The following CAGE1 variants were observed in gnomAD, a reference collection of about 807,000 sequenced individuals.
CAGE1 encodes cancer-associated gene 1 protein.
In CAGE1, 66 loss-of-function variants were observed where a neutral mutation model predicts 94.9. The observed-to-expected ratio is 0.70, with a 90% CI of 0.57 to 0.85. The LOEUF is 0.85. CAGE1 is among the 40% of genes least tolerant of loss of function. CAGE1 has a pLI of 0.00. For missense variants in CAGE1, 865 were observed against 950.4 expected, an observed-to-expected ratio of 0.91 and a Z score of 1.18; for synonymous variants, 319 against 321.0, an observed-to-expected ratio of 0.99 and a Z score of 0.07.
At chr6:7,334,242 T>C (rs1758871037) in intron 11 of CAGE1, among the ~76,000 whole-genome samples, 152 bp from the exon 12 acceptor site, 1 of 152,238 alleles carries the variant, frequency 6.6e-6, no homozygotes. Context: ...AACTTGGGAT[T>C]CTTTCCTAGC....
At chr6:7,333,722 G>A (rs1405658769) in intron 12 of CAGE1, among the ~76,000 whole-genome samples, 3 of 148,490 alleles carry the variant, frequency 2.0e-5, no homozygotes, top group African/African-American at 7.4e-5. Context: ...ATGCTGGAGT[G>A]CAGTGGCACG....
At chr6:7,380,768 T>G (rs184460093) in intron 3 of CAGE1, among the ~76,000 whole-genome samples, 68 of 152,352 alleles carry the variant, frequency 4.5e-4, no homozygotes, top group African/African-American at 1.6e-3. Flanking sequence ...TTTAAGTTGC[T>G]TCTAATTTTG....
At chr6:7,387,262 AT>A in intron 1 of CAGE1, 66 bp from the exon 2 acceptor site, 1 of 822,876 alleles carries the variant, frequency 1.2e-6, no homozygotes, top group Non-Finnish European at 1.9e-6. Context: ...CCCTCTTCTC[AT>A]TAAGAAAGTA....
chr6:7,330,110 G>A (rs780084824), intron 12 of CAGE1, among the ~76,000 whole-genome samples: 1 of 152,210 alleles, frequency 6.6e-6, no homozygotes, highest in Non-Finnish European at 1.5e-5. Flanking sequence ...CAATGAGGCA[G>A]GTTGCGGTGG....
At position 7,346,140 on chromosome 6, in the gene CAGE1, G is replaced by A. The variant is rs570800837; in HGVS notation, c.2369+8901C>T. Among the ~76,000 whole-genome samples, 17 of 152,272 alleles carry A rather than the reference G, an allele frequency of 1.1e-4. No individual in the cohort carries two copies. In the South Asian group the frequency reaches 2.9e-3, roughly 26 times the overall value. On this transcript the variant is annotated intron_variant, in intron 11 of 13. Coordinates refer to ENST00000502583, the MANE Select transcript of CAGE1 (RefSeq NM_001170692.2). ...AAAGGAATAAAAGAATGGCTACTCC[G>A]TAGGCAAAACAGCCTGATAATTTTT...
chr6:7,329,899 T>C lies in CAGE1; in HGVS notation c.2439-11A>G. The C allele has an allele frequency of 1.5e-6, 2 of 1,343,580 alleles. No individual in the cohort carries two copies. The highest frequency in any genetic ancestry group is 2.4e-5 in the East Asian group (1 of 41,998). 83.2% of individuals were successfully genotyped at this position (1,343,580 alleles called of 1,614,324 possible). ...TCTAAGCTTTTTGATCTGTAAGAAATAGAAAGAAAATAATGTAAAAAGGAG... is the reference window on the plus strand; with the variant it reads ...TCTAAGCTTTTTGATCTGTAAGAAACAGAAAGAAAATAATGTAAAAAGGAG... On this transcript the variant is annotated splice_polypyrimidine_tract_variant and intron_variant, in intron 12 of 13. Transcript: ENST00000502583.
At chr6:7,366,954 C>T (rs948157508) in intron 7 of CAGE1, among the ~76,000 whole-genome samples, 2 of 152,138 alleles carry the variant, frequency 1.3e-5, no homozygotes, top group South Asian at 4.2e-4. Context: ...CTTATTTATT[C>T]CTTCAGTATA....
At chr6:7,384,147 G>C (rs1467456915) in intron 3 of CAGE1, among the ~76,000 whole-genome samples, 2 of 151,892 alleles carry the variant, frequency 1.3e-5, no homozygotes, top group Admixed American at 1.3e-4. Context: ...GCACCATCTC[G>C]GCTCACTGCA....
intron 11 of CAGE1, among the ~76,000 whole-genome samples, chr6:7,336,169 G>A (rs1758947394): frequency 6.6e-6 from 1 of 152,180 alleles, no homozygotes; most frequent in African/African-American, 2.4e-5. Flanking sequence ...TTTGTCATCA[G>A]AGAAATAACA....
chr6:7,352,141 C>T (rs1309730751), intron 11 of CAGE1, among the ~76,000 whole-genome samples: 2 of 151,954 alleles, frequency 1.3e-5, no homozygotes, highest in African/African-American at 4.8e-5. Flanking sequence ...ACCCTAATGA[C>T]TCCTCCCAAA....
intron 9 of CAGE1, among the ~76,000 whole-genome samples, chr6:7,360,031 A>G (rs1760115771): frequency 6.6e-6 from 1 of 152,194 alleles, no homozygotes; most frequent in African/African-American, 2.4e-5. Context: ...GGCTGCCCAC[A>G]TCTTTGGCTT....
intron 6 of CAGE1, among the ~76,000 whole-genome samples, 183 bp downstream of exon 6, chr6:7,369,736 A>T (rs528399687): frequency 6.6e-6 from 1 of 152,326 alleles, no homozygotes; most frequent in South Asian, 2.1e-4. Flanking sequence ...TGTTCAAGAA[A>T]GATAAGCAGA....
chr6:7,339,511 C>T lies in CAGE1; in HGVS notation c.2370-5421G>A, dbSNP rs1390730994. On this transcript the variant is annotated intron_variant, in intron 11 of 13. Coordinates refer to ENST00000502583, the MANE Select transcript of CAGE1 (RefSeq NM_001170692.2). The surrounding 1 kb of genome is among the most constrained non-coding windows in gnomAD (Gnocchi z 4.7). ...TCCTGAGTAAGAAACTCATTCATTTCAGCTTAGAAGATGCCATCAGTGACA... is the reference window on the plus strand; with the variant it reads ...TCCTGAGTAAGAAACTCATTCATTTTAGCTTAGAAGATGCCATCAGTGACA... The T allele has an allele frequency of 2.4e-6, 2 of 819,274 alleles. No individual in the cohort carries two copies. Among genetic ancestry groups the T allele is most frequent in the South Asian group, 1.3e-5 (1 of 75,334 alleles). 50.8% of individuals were successfully genotyped at this position (819,274 alleles called of 1,614,324 possible).
chr6:7,376,682 G>T (rs7770179), intron 4 of CAGE1, among the ~76,000 whole-genome samples: 1 of 151,864 alleles, frequency 6.6e-6, no homozygotes, highest in Non-Finnish European at 1.5e-5. Context: ...TTCATCTGCT[G>T]TACCCCTCCT....
At chr6:7,382,415 C>T (rs1224433755) in intron 3 of CAGE1, among the ~76,000 whole-genome samples, 5 of 151,454 alleles carry the variant, frequency 3.3e-5, no homozygotes, top group South Asian at 2.1e-4. Flanking sequence ...GATTCTCCTG[C>T]GTCAGCCTCC....
intron 11 of CAGE1, chr6:7,340,801 C>G (rs1487787240): frequency 2.6e-6 from 1 of 391,594 alleles, no homozygotes; most frequent in South Asian, 2.4e-5. Flanking sequence ...GGCAGACAGT[C>G]TACTCCCTCA....
chr6:7,345,130 TATTGCTTTTAGGAGCTAGGTC>T (rs1561851639), intron 11 of CAGE1, among the ~76,000 whole-genome samples: 79 of 41,842 alleles, frequency 1.9e-3, no homozygotes, highest in African/African-American at 7.3e-3. Flanking sequence ...TTTAGATCCA[TATTGCTTTTAGGAGCTAGGTC>T]CATATTGCTT....
chr6:7,345,926 A>G (rs1759503771), intron 11 of CAGE1, among the ~76,000 whole-genome samples: 1 of 143,348 alleles, frequency 7.0e-6, no homozygotes, highest in African/African-American at 2.4e-5. Flanking sequence ...GTCCATCTCA[A>G]AAAAAGAAAA....
chr6:7,355,934 A>G (rs2113410540), intron 10 of CAGE1, 91 bp downstream of exon 10: 1 of 688,930 alleles, frequency 1.5e-6, no homozygotes, highest in Admixed American at 2.4e-5. Context: ...AGCCCAGGGG[A>G]TTGAGGCTGT....
Sources: gnomAD v4.1 joint callset for allele counts (sites outside exome capture counted in the v4.1 genomes callset) on GRCh38, gnomAD v4.1.1 for gene constraint, Gnocchi (gnomAD v3.1) non-coding constraint, MANE v1.5 for transcripts, NCBI Gene and HGNC (gene_info 2026-07-23, HGNC 2026-07-21) for gene names.